Variants in CEP83 observed in about 807,000 individuals in gnomAD.
CEP83 encodes centrosomal protein of 83 kDa.
A neutral mutation model predicts 101.9 loss-of-function variants in CEP83; 70 were observed. That is an observed-to-expected ratio of 0.69 (90% CI 0.57 to 0.84). CEP83 has a LOEUF of 0.84. Ranked by LOEUF, CEP83 falls within the 40% of genes least tolerant of loss-of-function variation. The pLI is 0.00. For missense variants in CEP83, 715 were observed against 787.2 expected, an observed-to-expected ratio of 0.91 and a Z score of 1.10; for synonymous variants, 264 against 267.9, an observed-to-expected ratio of 0.99 and a Z score of 0.14.
At chr12:94,385,112 C>A (rs564307228) in intron 6 of CEP83, among the ~76,000 whole-genome samples, 1 of 152,232 alleles carries the variant, frequency 6.6e-6, no homozygotes, top group Admixed American at 6.5e-5. Flanking sequence ...TCCCGATTCT[C>A]CACTCTACTT....
intron 7 of CEP83, 49 bp from the exon 8 acceptor site, chr12:94,376,066 CA>C: frequency 8.3e-7 from 1 of 1,210,676 alleles, no homozygotes; most frequent in Non-Finnish European, 1.1e-6. Flanking sequence ...TCAAGTATTT[CA>C]AAATCAAATA....
the CEP83 span, among the ~76,000 whole-genome samples, chr12:94,280,550 G>A: frequency 6.6e-6 from 1 of 152,176 alleles, no homozygotes; most frequent in Non-Finnish European, 1.5e-5. Context: ...TTGGTGATGT[G>A]GCTTTAAAGA....
chr12:94,306,011 A>G (rs1284228601), downstream of CEP83: 3 of 152,166 alleles, frequency 2.0e-5, no homozygotes, highest in African/African-American at 7.2e-5. Flanking sequence ...ACTTTGTCCT[A>G]ATGTATGTTC....
chr12:94,394,157 A>C (rs1007497076), intron 6 of CEP83, among the ~76,000 whole-genome samples: 2 of 152,218 alleles, frequency 1.3e-5, no homozygotes, highest in African/African-American at 4.8e-5. Context: ...AAGAGCCTGC[A>C]TTGCCAAGAC....
intron 1 of CEP83, among the ~76,000 whole-genome samples, chr12:94,436,065 C>CAA (rs541227144): frequency 7.5e-6 from 1 of 133,470 alleles, no homozygotes. Context: ...CCCTGTGGGA[C>CAA]AAAAAAAAAA....
intron 2 of CEP83, among the ~76,000 whole-genome samples, chr12:94,414,637 ATTC>A (rs2064138685): frequency 6.6e-6 from 1 of 152,232 alleles, no homozygotes. Context: ...AAACCAGAAA[ATTC>A]TTGTGACTTG....
chr12:94,313,052 A>C lies in CEP83; in HGVS notation c.1708-35T>G, dbSNP rs761419834. 1.2e-5 allele frequency: 11 copies of C among 913,380 alleles called. No homozygotes were observed. The Admixed American group carries it at 2.1e-4, about 18-fold the overall frequency. The allele number at this position is 913,380 out of a possible 1,614,324, so 56.6% of individuals were successfully genotyped here. On this transcript the variant is annotated intron_variant, in intron 14 of 16. Transcript: ENST00000397809. ...GAAATATGAACAAGTATGTTAATAC[A>C]TAATCTCTTATTTGAACAAAACTAT... is the stretch of plus-strand genomic sequence containing the variant.
intron 1 of CEP83, among the ~76,000 whole-genome samples, chr12:94,453,029 A>C (rs2067372451): frequency 6.6e-6 from 1 of 152,182 alleles, no homozygotes; most frequent in Non-Finnish European, 1.5e-5. Flanking sequence ...CTTTATTTAG[A>C]TAGGTTTACA....
chr12:94,444,830 T>C (rs940697272), intron 1 of CEP83, among the ~76,000 whole-genome samples: 5 of 152,188 alleles, frequency 3.3e-5, no homozygotes, highest in African/African-American at 1.2e-4. Context: ...AGACTCTATA[T>C]CTATTTTATA....
chr12:94,407,875 G>A (rs1245062527), intron 4 of CEP83: 1 of 152,542 alleles, frequency 6.6e-6, no homozygotes, highest in Non-Finnish European at 1.5e-5. Context: ...CTGGGGTGCA[G>A]TGGCACGATC....
the CEP83 span, among the ~76,000 whole-genome samples, chr12:94,289,934 A>G: frequency 2.6e-5 from 4 of 152,240 alleles, no homozygotes; most frequent in African/African-American, 9.6e-5. Flanking sequence ...TTTCCTTGGT[A>G]CAAGCTGTGT....
chr12:94,269,606 C>T, the CEP83 span, among the ~76,000 whole-genome samples: 101 of 152,294 alleles, frequency 6.6e-4, no homozygotes, highest in African/African-American at 2.2e-3. Context: ...CCCACTGTCC[C>T]GATTAAGTCA....
At chr12:94,398,078 T>C (rs2063013139) in intron 6 of CEP83, among the ~76,000 whole-genome samples, 2 of 152,162 alleles carry the variant, frequency 1.3e-5, no homozygotes, top group East Asian at 1.9e-4. Context: ...GGGTGGAAGA[T>C]TACAAATTCT....
chr12:94,377,188 T>A (rs1033950893), intron 7 of CEP83, among the ~76,000 whole-genome samples: 2 of 152,202 alleles, frequency 1.3e-5, no homozygotes, highest in South Asian at 4.1e-4. Context: ...CCTAAGTCCA[T>A]AACTTAGACT....
At chr12:94,380,071 C>CAAAAAAAAAA (rs11362391) in intron 6 of CEP83, among the ~76,000 whole-genome samples, 1 of 83,188 alleles carries the variant, frequency 1.2e-5, no homozygotes, top group African/African-American at 4.7e-5. Flanking sequence ...CCCGGCCCTG[C>CAAAAAAAAAA]AAAAAAAAAA....
At position 94,398,261 on chromosome 12, in the gene CEP83, C is replaced by A. The variant is rs1162987220; in HGVS notation, c.549+2589G>T. The stretch of plus-strand genomic sequence containing the variant: ...AAAACAATAAGGGAACTGACTAAAA[C>A]AAAACAGGCTGTGGGCTGGGAGTTG... On this transcript the variant is annotated intron_variant, in intron 6 of 16. Coordinates refer to ENST00000397809, the MANE Select transcript of CEP83 (RefSeq NM_016122.3). Among the ~76,000 whole-genome samples the A allele has an allele frequency of 2.6e-5, 4 of 152,094 alleles. No individual in the cohort carries two copies. The East Asian group carries it at 5.8e-4, about 22-fold the overall frequency.
At position 94,428,150 on chromosome 12, in the gene CEP83, CT is replaced by C. The variant is rs2065347872; in HGVS notation, c.-102+7124del. 6.6e-5 allele frequency among the ~76,000 whole-genome samples: 10 copies of C among 152,342 alleles called. No individual in the cohort carries two copies. The South Asian group carries it at 2.1e-3, about 32-fold the overall frequency. Reference sequence around the variant, plus strand: ...CACAGCTTAATTCACACAAAAGAATCTAGAAAGTAGGACATAGTAATGACTC... The same window carrying C: ...CACAGCTTAATTCACACAAAAGAATCAGAAAGTAGGACATAGTAATGACTC... On this transcript the variant is annotated intron_variant, in intron 2 of 16. Transcript: ENST00000397809.
At chr12:94,274,915 C>T in the CEP83 span, among the ~76,000 whole-genome samples, 1 of 152,200 alleles carries the variant, frequency 6.6e-6, no homozygotes, top group African/African-American at 2.4e-5. Flanking sequence ...ACACACACGT[C>T]ATTTAAAACA....
intron 15 of CEP83, among the ~76,000 whole-genome samples, chr12:94,312,058 G>A (rs1969947244): frequency 6.6e-6 from 1 of 151,604 alleles, no homozygotes; most frequent in East Asian, 1.9e-4. Flanking sequence ...CTGAACCATA[G>A]ACGAAGACCC....
Sources: gnomAD v4.1 joint callset for allele counts (sites outside exome capture counted in the v4.1 genomes callset) on GRCh38, gnomAD v4.1.1 for gene constraint, MANE v1.5 for transcripts, NCBI Gene and HGNC (gene_info 2026-07-23, HGNC 2026-07-21) for gene names.